The following MARCHF8 variants were observed in gnomAD, a reference collection of about 807,000 sequenced individuals.
MARCHF8 encodes the protein E3 ubiquitin-protein ligase MARCHF8.
Under a neutral mutation model 51.6 loss-of-function variants are expected in MARCHF8, and 40 were observed. That is an observed-to-expected ratio of 0.77 (90% CI 0.60 to 1.01). MARCHF8 has a LOEUF of 1.01. MARCHF8 is among the 50% of genes least tolerant of loss of function. The probability of loss-of-function intolerance (pLI) is 0.00; values close to 1 mark genes in which losing one functional copy is unlikely to be tolerated. For synonymous variants in MARCHF8, 263 were observed against 280.3 expected (o/e 0.94, Z 0.62); for missense variants, 685 against 708.6 (o/e 0.97, Z 0.38).
intron 1 of MARCHF8, among the ~76,000 whole-genome samples, chr10:45,577,725 C>A (rs2044506234): frequency 1.3e-5 from 2 of 152,102 alleles, no homozygotes; most frequent in Admixed American, 1.3e-4. Flanking sequence ...GTTATAGCAG[C>A]ATAACGAACT....
Position 45,473,090 on chromosome 10 carries a change from C to A in MARCHF8, c.154-8763G>T, listed in dbSNP as rs537121242. 7.2e-5 allele frequency among the ~76,000 whole-genome samples: 11 copies of A among 152,310 alleles called. No homozygotes were observed. In the East Asian group the frequency reaches 2.1e-3, roughly 29 times the overall value. On this transcript the variant is annotated intron_variant, in intron 3 of 7. Transcript: ENST00000453424. ...TGACAATCACATCCAGGTCTGCCCT[C>A]GCGTAATAAAAGTGGGTCAGCAAGA...
intron 2 of MARCHF8, among the ~76,000 whole-genome samples, chr10:45,492,442 C>T (rs12414122): frequency 0.11 from 16,934 of 152,100 alleles, 1,343 homozygotes; most frequent in Non-Finnish European, 0.17. Flanking sequence ...GGACTACAGG[C>T]GCCCACCACC....
intron 2 of MARCHF8, among the ~76,000 whole-genome samples, chr10:45,522,147 CA>C (rs1217897625): frequency 6.6e-6 from 1 of 152,162 alleles, no homozygotes; most frequent in African/African-American, 2.4e-5. Flanking sequence ...AAATTTCCCC[CA>C]AAAAACTCTG....
intron 1 of MARCHF8, among the ~76,000 whole-genome samples, chr10:45,548,378 A>G (rs1331343900): frequency 6.6e-6 from 1 of 152,214 alleles, no homozygotes; most frequent in Non-Finnish European, 1.5e-5. Flanking sequence ...GGCTCCAGAC[A>G]GTGCATGCTA....
chr10:45,583,023 A>G (rs1361827256), intron 1 of MARCHF8, among the ~76,000 whole-genome samples: 2 of 152,248 alleles, frequency 1.3e-5, no homozygotes, highest in East Asian at 3.8e-4. Context: ...AAGGCAATGC[A>G]TAATATTTAA....
Position 45,463,706 on chromosome 10 carries a change from G to A in MARCHF8, c.533C>T (p.Thr178Ile), listed in dbSNP as rs947980865. Residue 178 changes from threonine (T) to isoleucine (I), a missense_variant, in exon 5 of 8, where the codon ACT becomes ATT. By Grantham distance (89) the Thr-to-Ile change is moderately conservative. Coordinates refer to ENST00000453424, the MANE Select transcript of MARCHF8 (RefSeq NM_001282866.2). ...TSESFAYVERTCSEGKLILPQ... is the reference protein window; with the variant it reads ...TSESFAYVERICSEGKLILPQ... The stretch of plus-strand genomic sequence containing the variant: ...GAGTATTAATTTCCCTTCAGAACAA[G>A]TTCTTTCCACATAGGCAAAACTTTC... 3 of 1,550,958 alleles carry A rather than the reference G, an allele frequency of 1.9e-6. No individual in the cohort carries two copies. Among genetic ancestry groups the A allele is most frequent in the Admixed American group, 2.0e-5 (1 of 50,998 alleles).
At chr10:45,489,612 C>T (rs540987504) in intron 2 of MARCHF8, among the ~76,000 whole-genome samples, 195 bp from the exon 3 acceptor site, 7 of 151,978 alleles carry the variant, frequency 4.6e-5, no homozygotes, top group Non-Finnish European at 5.9e-5. Context: ...ACACAATAGT[C>T]CCTGTCCTAA....
chr10:45,576,180 C>A (rs185861745), intron 1 of MARCHF8, among the ~76,000 whole-genome samples: 2 of 152,260 alleles, frequency 1.3e-5, no homozygotes, highest in East Asian at 3.9e-4. Flanking sequence ...ATCAAGAGAA[C>A]AGAATACAAA....
intron 1 of MARCHF8, among the ~76,000 whole-genome samples, chr10:45,587,094 A>G (rs1286606050): frequency 6.6e-6 from 1 of 152,154 alleles, no homozygotes; most frequent in Non-Finnish European, 1.5e-5. Context: ...ATTGGACTTG[A>G]GGTCCTCATC....
chr10:45,531,560 T>C (rs1292506030), intron 2 of MARCHF8, among the ~76,000 whole-genome samples: 1 of 152,192 alleles, frequency 6.6e-6, no homozygotes, highest in Non-Finnish European at 1.5e-5. Flanking sequence ...ATTGTAAGGT[T>C]CTCATACTGT....
At chr10:45,535,522 C>T (rs1209775758), upstream of MARCHF8, 2 of 152,188 alleles carry the variant, frequency 1.3e-5, no homozygotes, top group East Asian at 3.8e-4. Flanking sequence ...GACATCCCTC[C>T]TCACTGTCAT....
intron 2 of MARCHF8, among the ~76,000 whole-genome samples, chr10:45,490,222 T>C (rs1327305375): frequency 6.6e-6 from 1 of 152,184 alleles, no homozygotes; most frequent in Non-Finnish European, 1.5e-5. Flanking sequence ...TCTGTGAAAA[T>C]TTAGATGTTG....
intron 1 of MARCHF8, among the ~76,000 whole-genome samples, chr10:45,556,954 T>G (rs886841542): frequency 6.6e-6 from 1 of 152,136 alleles, no homozygotes; most frequent in African/African-American, 2.4e-5. Context: ...TTTTTTCTTG[T>G]GGTAAAAAAC....
intron 3 of MARCHF8, among the ~76,000 whole-genome samples, chr10:45,480,275 A>G (rs2042861412): frequency 6.6e-6 from 1 of 152,236 alleles, no homozygotes; most frequent in South Asian, 2.1e-4. Flanking sequence ...AACAGAAAAT[A>G]AAAGCAGAAA....
At chr10:45,506,957 T>C (rs1331703277) in intron 2 of MARCHF8, among the ~76,000 whole-genome samples, 1 of 152,248 alleles carries the variant, frequency 6.6e-6, no homozygotes, top group African/African-American at 2.4e-5. Flanking sequence ...TCTTTGGCTC[T>C]TTTAATCAGT....
At chr10:45,495,770 T>G (rs1589120169) in intron 2 of MARCHF8, among the ~76,000 whole-genome samples, 13 of 40,992 alleles carry the variant, frequency 3.2e-4, no homozygotes, top group South Asian at 9.9e-4. Context: ...GGGGAGGGGA[T>G]GCTAGGGGAG....
At chr10:45,546,858 C>T (rs1315610205) in intron 1 of MARCHF8, among the ~76,000 whole-genome samples, 1 of 150,834 alleles carries the variant, frequency 6.6e-6, no homozygotes, top group African/African-American at 2.4e-5. Flanking sequence ...GACATACAAA[C>T]ATATCCCACA....
intron 2 of MARCHF8, among the ~76,000 whole-genome samples, chr10:45,514,134 T>C (rs909950562): frequency 6.6e-6 from 1 of 152,258 alleles, no homozygotes; most frequent in Non-Finnish European, 1.5e-5. Flanking sequence ...TTTCGCAATT[T>C]CAAGAAACAG....
At chr10:45,553,353 A>C (rs141894450) in intron 1 of MARCHF8, 1 of 152,346 alleles carries the variant, frequency 6.6e-6, no homozygotes, top group African/African-American at 2.4e-5. Flanking sequence ...AAGAACAATA[A>C]TACAGAACTG....
Sources: gnomAD v4.1 joint callset for allele counts (sites outside exome capture counted in the v4.1 genomes callset) on GRCh38, gnomAD v4.1.1 for gene constraint, MANE v1.5 for transcripts, NCBI Gene and HGNC (gene_info 2026-07-23, HGNC 2026-07-21) for gene names.